Variants in PLCG2 observed in about 807,000 individuals in gnomAD.
The protein encoded by PLCG2 is 1-phosphatidylinositol 4,5-bisphosphate phosphodiesterase gamma-2.
Under a neutral mutation model 175.6 loss-of-function variants are expected in PLCG2, and 69 were observed. That is an observed-to-expected ratio of 0.39 (90% CI 0.32 to 0.48). PLCG2 has a LOEUF of 0.48. PLCG2 is among the 20% of genes least tolerant of loss of function. The probability of loss-of-function intolerance (pLI) is 0.91; values close to 1 mark genes in which losing one functional copy is unlikely to be tolerated. For missense variants in PLCG2, 1,798 were observed against 1,650.9 expected, an observed-to-expected ratio of 1.09 and a Z score of -1.54; for synonymous variants, 827 against 624.0, an observed-to-expected ratio of 1.33 and a Z score of -4.85.
At chr16:81,778,742 C>T (rs1448061568), upstream of PLCG2, among the ~76,000 whole-genome samples, 2 of 152,154 alleles carry the variant, frequency 1.3e-5, no homozygotes, top group Non-Finnish European at 2.9e-5. Context: ...GCAGCCTCAA[C>T]GAGGGCTTCA....
At chr16:81,943,419 A>G (rs951035155) in intron 30 of PLCG2, among the ~76,000 whole-genome samples, 2 of 152,136 alleles carry the variant, frequency 1.3e-5, no homozygotes, top group Non-Finnish European at 2.9e-5. Context: ...AAACAACCCC[A>G]TCTCGTGAGA....
chr16:81,803,636 C>CCTCCCTCCCTCG (rs1911855050), intron 2 of PLCG2, among the ~76,000 whole-genome samples: 1 of 13,820 alleles, frequency 7.2e-5, no homozygotes, highest in Non-Finnish European at 1.8e-4. Context: ...TTTCTTCTTC[C>CCTCCCTCCCTCG]CTCCCTCCCT....
intron 7 of PLCG2, among the ~76,000 whole-genome samples, chr16:81,879,996 T>A (rs1441411150): frequency 1.3e-5 from 2 of 152,238 alleles, no homozygotes; most frequent in Admixed American, 1.3e-4. Context: ...TCCCAGCTAC[T>A]GAGGGGGCTC....
chr16:81,764,591 G>T (rs994384627), intron 2 of PLCG2, among the ~76,000 whole-genome samples: 4 of 152,218 alleles, frequency 2.6e-5, no homozygotes, highest in Non-Finnish European at 5.9e-5. Context: ...TTCAGCCACA[G>T]GCTGAACACT....
At chr16:81,872,995 A>G (rs7200324) in intron 7 of PLCG2, among the ~76,000 whole-genome samples, 83,182 of 152,106 alleles carry the variant, frequency 0.55, 23,495 homozygotes, top group Middle Eastern at 0.63. Context: ...GAGAAATGGG[A>G]GGGCCATTTC....
At chr16:81,853,189 G>A (rs1906505935) in intron 2 of PLCG2, among the ~76,000 whole-genome samples, 1 of 152,042 alleles carries the variant, frequency 6.6e-6, no homozygotes, top group African/African-American at 2.4e-5. Context: ...AAACTAGCCG[G>A]GCATGGTGGC....
At chr16:81,890,649 T>C (rs1378916955) in intron 10 of PLCG2, among the ~76,000 whole-genome samples, 1 of 152,064 alleles carries the variant, frequency 6.6e-6, no homozygotes, top group Non-Finnish European at 1.5e-5. Flanking sequence ...TGACCTTGCA[T>C]AGGGAAGGAG....
chr16:81,773,817 G>C (rs901376928), intron 2 of PLCG2, among the ~76,000 whole-genome samples: 10 of 152,130 alleles, frequency 6.6e-5, no homozygotes, highest in African/African-American at 2.4e-4. Context: ...GCTGTGCAGA[G>C]CTACAGAGAG....
chr16:81,906,970 G>A (rs889528871), intron 15 of PLCG2, among the ~76,000 whole-genome samples: 2 of 151,078 alleles, frequency 1.3e-5, no homozygotes, highest in African/African-American at 2.4e-5. Flanking sequence ...CCCGGGAGGC[G>A]GAGGTTTCAG....
rs1910869348 is a variant in PLCG2 at position 81,939,911 on chromosome 16, T to C, written c.3333T>C (p.Pro1111=). The part of the protein sequence containing the change: ...TTVVNDNGLS[P]IWAPTQEKVT... The stretch of plus-strand genomic sequence containing the variant: ...TTCCAGATGATAATGGCCTCAGCCC[T>C]ATCTGGGCTCCAACACAGGAGAAGG... Residue 1111 remains proline (P), a synonymous_variant, in exon 30 of 33, where the codon CCT becomes CCC. Coordinates refer to ENST00000564138, the MANE Select transcript of PLCG2 (RefSeq NM_002661.5). 6.2e-7 allele frequency: 1 copy of C among 1,613,290 alleles called. No individual in the cohort carries two copies. The highest frequency in any genetic ancestry group is 1.7e-5 in the Admixed American group (1 of 60,006).
At chr16:81,798,416 T>G (rs901574036) in intron 2 of PLCG2, 1 of 152,308 alleles carries the variant, frequency 6.6e-6, no homozygotes, top group African/African-American at 2.4e-5. Context: ...TAAGTGCTCT[T>G]GGACCTGAGC....
rs1219150987 is a variant in PLCG2, at chr16:81,960,624, A to G, written c.*2626A>G. On this transcript the variant is annotated 3_prime_UTR_variant, in exon 33 of 33. Coordinates refer to ENST00000564138, the MANE Select transcript of PLCG2 (RefSeq NM_002661.5). ...GGTCTTGTTTTCCAAATTCGATCTC[A>G]GAATCTTTTTGCCAGAAGTGTCTCA... 8.6e-6 allele frequency: 2 copies of G among 231,374 alleles called. No homozygotes were observed. Among genetic ancestry groups the G allele is most frequent in the South Asian group, 1.8e-4 (1 of 5,518 alleles). The allele number at this position is 231,374 out of a possible 1,614,324, so 14.3% of individuals were successfully genotyped here.
intron 2 of PLCG2, among the ~76,000 whole-genome samples, chr16:81,772,840 A>G (rs1178513419): frequency 2.0e-5 from 3 of 152,154 alleles, no homozygotes; most frequent in Non-Finnish European, 4.4e-5. Flanking sequence ...AGGCTAAGAA[A>G]GGAAGCTTGG....
intron 2 of PLCG2, among the ~76,000 whole-genome samples, chr16:81,794,548 T>C (rs1201298633): frequency 6.6e-6 from 1 of 152,166 alleles, no homozygotes; most frequent in Non-Finnish European, 1.5e-5. Context: ...ATCCTGGTCC[T>C]GCACTTGGTA....
rs775543356 is a variant in PLCG2, at chr16:81,854,435, T to A, written c.194-9T>A. The stretch of plus-strand genomic sequence containing the variant: ...AGCTTCTAATTGGCTCATGTTAATT[T>A]CATTTTAGTGGATATCATGGAAATA... On this transcript the variant is annotated splice_polypyrimidine_tract_variant and intron_variant, in intron 2 of 32. Coordinates refer to ENST00000564138, the MANE Select transcript of PLCG2 (RefSeq NM_002661.5). 1 of 1,613,560 alleles carries A rather than the reference T, an allele frequency of 6.2e-7. No homozygotes were observed. The highest frequency in any genetic ancestry group is 8.5e-7 in the Non-Finnish European group (1 of 1,179,562).
intron 2 of PLCG2, among the ~76,000 whole-genome samples, chr16:81,768,537 T>A (rs1034602108): frequency 1.4e-5 from 2 of 146,680 alleles, no homozygotes; most frequent in African/African-American, 5.0e-5. Flanking sequence ...TCACCAGCAC[T>A]CGGTGTTATC....
chr16:81,940,606 A>G (rs181761884), intron 30 of PLCG2, among the ~76,000 whole-genome samples: 11 of 152,286 alleles, frequency 7.2e-5, no homozygotes, highest in African/African-American at 2.6e-4. Context: ...CCTTCATGGT[A>G]TAAGAAGGGT....
At chr16:81,757,116 C>G (rs976314100) in intron 2 of PLCG2, among the ~76,000 whole-genome samples, 2 of 152,158 alleles carry the variant, frequency 1.3e-5, no homozygotes, top group African/African-American at 4.8e-5. Flanking sequence ...ATCTCTTTTA[C>G]TTTTGGGTGA....
intron 7 of PLCG2, among the ~76,000 whole-genome samples, chr16:81,878,783 G>A (rs1395801929): frequency 6.6e-6 from 1 of 152,174 alleles, no homozygotes; most frequent in Admixed American, 6.5e-5. Flanking sequence ...TTGCCTTTGG[G>A]ATGCCCGACT....
Sources: allele counts gnomAD v4.1 joint callset (sites outside exome capture counted in the v4.1 genomes callset), GRCh38; gene constraint gnomAD v4.1.1; transcripts MANE v1.5; gene names NCBI Gene and HGNC (gene_info 2026-07-23, HGNC 2026-07-21).